FSIP1: variants seen among roughly 807,000 people sequenced by gnomAD.
The protein encoded by FSIP1 is fibrous sheath interacting protein 1.
FSIP1 carries 65 observed loss-of-function variants against 60.9 expected under a neutral mutation model. That is an observed-to-expected ratio of 1.07 (90% confidence interval 0.87 to 1.31). FSIP1 has a LOEUF of 1.31. Among genes scored for constraint, FSIP1 ranks in the 40% most tolerant of loss-of-function variants. The pLI, the probability that FSIP1 is intolerant of heterozygous loss-of-function variation, is 0.00. For missense variants in FSIP1, 675 were observed against 665.5 expected, an observed-to-expected ratio of 1.01 and a Z score of -0.16; for synonymous variants, 209 against 221.2, an observed-to-expected ratio of 0.94 and a Z score of 0.49.
chr15:39,669,462 T>C (rs1027814807), intron 10 of FSIP1, among the ~76,000 whole-genome samples: 4 of 152,198 alleles, frequency 2.6e-5, no homozygotes, highest in Non-Finnish European at 5.9e-5. Flanking sequence ...AGATATTAAC[T>C]AGGTCATCAT....
At chr15:39,745,884 A>G (rs1005267704) in intron 5 of FSIP1, among the ~76,000 whole-genome samples, 3 of 152,112 alleles carry the variant, frequency 2.0e-5, no homozygotes, top group Non-Finnish European at 4.4e-5. Flanking sequence ...GTTTAAGGCC[A>G]GACTGGGCAA....
intron 10 of FSIP1, among the ~76,000 whole-genome samples, chr15:39,684,895 T>C (rs1566884253): frequency 6.6e-6 from 1 of 152,142 alleles, no homozygotes; most frequent in Non-Finnish European, 1.5e-5. Flanking sequence ...AACTGGGGCA[T>C]AGAGGGTCAA....
At position 39,711,673 on chromosome 15, in the gene FSIP1, C is replaced by CTCCT. The variant is rs1208660151; in HGVS notation, c.1188+1770_1188+1771insAGGA. Reference sequence around the variant, plus strand: ...TCCTTACACTTCCCTACCATTCCTACTTCTTTTTTTTTTTTTTTTTTTTTT... The same window carrying CTCCT: ...TCCTTACACTTCCCTACCATTCCTACTCCTTTCTTTTTTTTTTTTTTTTTTTTTT... On this transcript the variant is annotated intron_variant, in intron 10 of 11. Coordinates refer to ENST00000350221, the MANE Select transcript of FSIP1 (RefSeq NM_152597.5). 7.8e-4 allele frequency among the ~76,000 whole-genome samples: 72 copies of CTCCT among 92,730 alleles called. 1 individual carries two copies. The highest frequency in any genetic ancestry group is 2.7e-3 in the African/African-American group (72 of 26,266). The allele number at this position is 92,730 out of a possible 152,430, so 60.8% of individuals were successfully genotyped here. A position where few individuals can be genotyped will look rare whatever the true frequency, so the allele number is the denominator to read the frequency against.
intron 10 of FSIP1, among the ~76,000 whole-genome samples, chr15:39,639,598 G>C (rs973469271): frequency 2.0e-5 from 3 of 152,184 alleles, no homozygotes; most frequent in African/African-American, 7.2e-5. Flanking sequence ...TTTCTCATGA[G>C]TCCTGTGACT....
intron 11 of FSIP1, among the ~76,000 whole-genome samples, chr15:39,610,241 C>T (rs1390198894): frequency 6.6e-6 from 1 of 151,908 alleles, no homozygotes; most frequent in Non-Finnish European, 1.5e-5. Flanking sequence ...AAGAAAAAGG[C>T]CCAGAAAATA....
intron 10 of FSIP1, among the ~76,000 whole-genome samples, chr15:39,666,052 C>T (rs1893482111): frequency 6.6e-6 from 1 of 152,152 alleles, no homozygotes; most frequent in Admixed American, 6.5e-5. Flanking sequence ...AATACGGCAT[C>T]AGCAATTTGG....
intron 10 of FSIP1, among the ~76,000 whole-genome samples, chr15:39,659,230 G>GTA (rs1428979605): frequency 1.3e-5 from 2 of 152,098 alleles, no homozygotes; most frequent in African/African-American, 4.8e-5. Flanking sequence ...GGTGAAGGAT[G>GTA]TACCCTCTGT....
intron 10 of FSIP1, among the ~76,000 whole-genome samples, chr15:39,683,284 C>G (rs1176668065): frequency 6.6e-6 from 1 of 151,638 alleles, no homozygotes; most frequent in Non-Finnish European, 1.5e-5. Flanking sequence ...GATGAGTACT[C>G]AAAAAACAAC....
intron 3 of FSIP1, among the ~76,000 whole-genome samples, chr15:39,767,969 G>A (rs188797468): frequency 6.6e-6 from 1 of 152,324 alleles, no homozygotes; most frequent in African/African-American, 2.4e-5. Context: ...GTCTCATTGA[G>A]CTGATTAACA....
At chr15:39,752,527 G>A (rs1488028294) in intron 5 of FSIP1, among the ~76,000 whole-genome samples, 2 of 151,902 alleles carry the variant, frequency 1.3e-5, no homozygotes, top group African/African-American at 4.8e-5. Flanking sequence ...GTAACTCCAT[G>A]GTTTTCCTCC....
At chr15:39,736,415 G>C (rs1566907521) in intron 8 of FSIP1, among the ~76,000 whole-genome samples, 2 of 152,220 alleles carry the variant, frequency 1.3e-5, no homozygotes, top group Admixed American at 1.3e-4. Flanking sequence ...TGGTGGAAGG[G>C]AGGGATATTT....
intron 1 of FSIP1, among the ~76,000 whole-genome samples, chr15:39,776,758 T>C (rs1898078166): frequency 6.6e-6 from 1 of 152,144 alleles, no homozygotes; most frequent in Non-Finnish European, 1.5e-5. Context: ...TGTTAGATAC[T>C]GAATATGGCT....
chr15:39,685,302 A>G lies in FSIP1; in HGVS notation c.1188+28142T>C, dbSNP rs145906693. ...TGATAAAGATAAAATGTTAGTACTT[A>G]CCAGATGTTAAGTTTTTAATGTAAA... On this transcript the variant is annotated intron_variant, in intron 10 of 11. Coordinates refer to ENST00000350221, the MANE Select transcript of FSIP1 (RefSeq NM_152597.5). Among the ~76,000 whole-genome samples the G allele has an allele frequency of 6.0e-3, 913 of 152,314 alleles. 8 individuals are homozygous for G. Among genetic ancestry groups the G allele is most frequent in the African/African-American group, 0.021 (859 of 41,558 alleles).
At position 39,705,682 on chromosome 15, in the gene FSIP1, C is replaced by T. The variant is rs547555465; in HGVS notation, c.1188+7762G>A. Among the ~76,000 whole-genome samples, 5 of 151,852 alleles carry T rather than the reference C, an allele frequency of 3.3e-5. No homozygotes were observed. The South Asian group carries it at 6.3e-4, about 19-fold the overall frequency. On this transcript the variant is annotated intron_variant, in intron 10 of 11. Coordinates refer to ENST00000350221, the MANE Select transcript of FSIP1 (RefSeq NM_152597.5). ...ATCTTAAATGTTTATTTTTATGTTT[C>T]GTATCATATATTTTCAATTAAAAGT...
intron 6 of FSIP1, among the ~76,000 whole-genome samples, chr15:39,740,864 T>A (rs1229859471): frequency 2.0e-5 from 3 of 151,964 alleles, no homozygotes; most frequent in Non-Finnish European, 1.5e-5. Flanking sequence ...TAAAAAAAAA[T>A]TTTACTCAAA....
chr15:39,606,584 C>T (rs1890832141), intron 11 of FSIP1, among the ~76,000 whole-genome samples: 1 of 152,066 alleles, frequency 6.6e-6, no homozygotes, highest in Admixed American at 6.6e-5. Context: ...ATTTTGTATC[C>T]TTTAACCAAT....
intron 10 of FSIP1, among the ~76,000 whole-genome samples, chr15:39,677,838 A>T (rs1057224433): frequency 1.3e-5 from 2 of 152,162 alleles, no homozygotes; most frequent in Non-Finnish European, 2.9e-5. Flanking sequence ...GCTACTAAAA[A>T]TACAAAAATT....
At chr15:39,648,074 C>T (rs914713763) in intron 10 of FSIP1, among the ~76,000 whole-genome samples, 6 of 150,124 alleles carry the variant, frequency 4.0e-5, no homozygotes, top group African/African-American at 7.4e-5. Context: ...GGCTAGATGA[C>T]GAGTTAGTGG....
intron 5 of FSIP1, among the ~76,000 whole-genome samples, chr15:39,746,918 C>T (rs1479343521): frequency 1.3e-5 from 2 of 152,030 alleles, no homozygotes; most frequent in African/African-American, 4.8e-5. Context: ...CAAAAGAGTA[C>T]ACTCATTGCC....
Sources: allele counts gnomAD v4.1 joint callset (sites outside exome capture counted in the v4.1 genomes callset), GRCh38; gene constraint gnomAD v4.1.1; transcripts MANE v1.5; gene names NCBI Gene and HGNC (gene_info 2026-07-23, HGNC 2026-07-21).